Variants in MYO1D observed in about 807,000 individuals in gnomAD.
MYO1D encodes unconventional myosin-Id.
MYO1D carries 83 observed loss-of-function variants against 122.0 expected under a neutral mutation model. The observed-to-expected ratio is 0.68, with a 90% CI of 0.57 to 0.82. MYO1D has a LOEUF of 0.82. Among genes scored for constraint, MYO1D ranks in the 40% least tolerant of loss-of-function variants. MYO1D has a pLI of 0.00. For missense variants in MYO1D, 1,157 were observed against 1,269.5 expected, an observed-to-expected ratio of 0.91 and a Z score of 1.35; for synonymous variants, 464 against 446.9, an observed-to-expected ratio of 1.04 and a Z score of -0.48.
chr17:32,627,439 T>C (rs979233593), intron 20 of MYO1D, among the ~76,000 whole-genome samples: 36 of 152,130 alleles, frequency 2.4e-4, no homozygotes, highest in African/African-American at 8.4e-4. Flanking sequence ...TTCAGCAGGG[T>C]TCACCCTGTA....
intron 21 of MYO1D, among the ~76,000 whole-genome samples, chr17:32,507,769 C>G (rs918834137): frequency 6.6e-6 from 1 of 152,084 alleles, no homozygotes; most frequent in Admixed American, 6.5e-5. Flanking sequence ...GGGCCTTGAT[C>G]TGACAGAAAG....
At chr17:32,568,778 A>G (rs147074429) in intron 21 of MYO1D, among the ~76,000 whole-genome samples, 113 of 152,196 alleles carry the variant, frequency 7.4e-4, no homozygotes, top group African/African-American at 2.7e-3. Flanking sequence ...TCTGTCCCAG[A>G]CCTCAGCCCT....
chr17:32,672,947 T>C (rs1392486431), intron 16 of MYO1D, among the ~76,000 whole-genome samples: 1 of 152,068 alleles, frequency 6.6e-6, no homozygotes, highest in Non-Finnish European at 1.5e-5. Context: ...GCAGAGAGCA[T>C]GGTTTGTTGC....
At chr17:32,636,413 A>G (rs2088100339) in intron 20 of MYO1D, among the ~76,000 whole-genome samples, 1 of 152,248 alleles carries the variant, frequency 6.6e-6, no homozygotes. Context: ...AAATAATAAT[A>G]TAACAAATAC....
intron 20 of MYO1D, among the ~76,000 whole-genome samples, chr17:32,633,771 C>A (rs1374195986): frequency 6.6e-6 from 1 of 152,052 alleles, no homozygotes; most frequent in Non-Finnish European, 1.5e-5. Flanking sequence ...TACTTTCCAC[C>A]AAGTACACGT....
chr17:32,861,287 CA>C (rs2091073702), intron 1 of MYO1D, among the ~76,000 whole-genome samples: 1 of 151,976 alleles, frequency 6.6e-6, no homozygotes. Context: ...AGGATGGTCT[CA>C]ATCTCCTGAC....
intron 21 of MYO1D, among the ~76,000 whole-genome samples, chr17:32,524,855 C>T (rs1910291381): frequency 6.6e-6 from 1 of 152,174 alleles, no homozygotes; most frequent in Non-Finnish European, 1.5e-5. Context: ...GCCACTGCGC[C>T]TGGCCTTGAC....
intron 1 of MYO1D, among the ~76,000 whole-genome samples, chr17:32,802,541 T>C (rs978293369): frequency 1.7e-4 from 26 of 152,316 alleles, no homozygotes; most frequent in African/African-American, 6.3e-4. Flanking sequence ...GGAAGAAAAA[T>C]ATTTTTCACT....
At chr17:32,541,191 C>G (rs1309725224) in intron 21 of MYO1D, among the ~76,000 whole-genome samples, 1 of 152,124 alleles carries the variant, frequency 6.6e-6, no homozygotes, top group Non-Finnish European at 1.5e-5. Context: ...AAATGTTTAT[C>G]CACTGACAAA....
At chr17:32,695,226 G>A (rs983788118) in intron 16 of MYO1D, among the ~76,000 whole-genome samples, 1 of 152,218 alleles carries the variant, frequency 6.6e-6, no homozygotes, top group Non-Finnish European at 1.5e-5. Context: ...CTCATAAAGA[G>A]CGCACAGCCT....
chr17:32,642,722 CTCTG>C (rs1241086492), intron 19 of MYO1D, among the ~76,000 whole-genome samples: 1 of 151,846 alleles, frequency 6.6e-6, no homozygotes, highest in Non-Finnish European at 1.5e-5. Flanking sequence ...TGATTTGGCT[CTCTG>C]TCTGTTATTG....
chr17:32,769,425 A>G (rs1457785963), intron 6 of MYO1D, among the ~76,000 whole-genome samples: 2 of 152,188 alleles, frequency 1.3e-5, no homozygotes, highest in African/African-American at 4.8e-5. Flanking sequence ...GTTTCTTGTT[A>G]TGCTAGATAA....
At chr17:32,796,355 T>G (rs1190411606) in intron 1 of MYO1D, among the ~76,000 whole-genome samples, 1 of 152,218 alleles carries the variant, frequency 6.6e-6, no homozygotes, top group African/African-American at 2.4e-5. Context: ...GACAATTATA[T>G]GAATTGATAA....
chr17:32,548,753 G>A (rs1339946304), intron 21 of MYO1D, among the ~76,000 whole-genome samples: 3 of 140,294 alleles, frequency 2.1e-5, no homozygotes, highest in African/African-American at 8.0e-5. Flanking sequence ...TCACTGTGTT[G>A]CCCAGGCTGG....
At chr17:32,565,733 T>TG (rs11419375) in intron 21 of MYO1D, among the ~76,000 whole-genome samples, 73,361 of 137,156 alleles carry the variant, frequency 0.53, 18,055 homozygotes, top group East Asian at 0.6. Flanking sequence ...AGTGTGTGTG[T>TG]TTTTTTTTTG....
intron 21 of MYO1D, chr17:32,495,999 C>G (rs780315749): frequency 6.6e-6 from 1 of 152,344 alleles, no homozygotes; most frequent in East Asian, 1.9e-4. Context: ...GCCAAGCTGT[C>G]GTGTCCACAC....
chr17:32,809,431 C>CTTTTTTTTTTTTTTTTTTTT (rs57040549), intron 1 of MYO1D, among the ~76,000 whole-genome samples: 1 of 135,944 alleles, frequency 7.4e-6, no homozygotes, highest in Non-Finnish European at 1.6e-5. Context: ...TGGCCTAGGC[C>CTTTTTTTTTTTTTTTTTTTT]TTTTTTTTTT....
At chr17:32,574,221 C>T (rs964204531) in intron 21 of MYO1D, among the ~76,000 whole-genome samples, 1 of 151,752 alleles carries the variant, frequency 6.6e-6, no homozygotes, top group Non-Finnish European at 1.5e-5. Context: ...GTGGACAATA[C>T]TTATCTCTCC....
chr17:32,818,494 G>C (rs2090633150), intron 1 of MYO1D, among the ~76,000 whole-genome samples: 1 of 152,146 alleles, frequency 6.6e-6, no homozygotes, highest in Admixed American at 6.5e-5. Flanking sequence ...TTCGGCTCAA[G>C]GATCAAAAAA....
Sources: gnomAD v4.1 joint callset for allele counts (sites outside exome capture counted in the v4.1 genomes callset) on GRCh38, gnomAD v4.1.1 for gene constraint, MANE v1.5 for transcripts, NCBI Gene and HGNC (gene_info 2026-07-23, HGNC 2026-07-21) for gene names.